Variants in TRABD2B observed in about 807,000 individuals in gnomAD.
The protein encoded by TRABD2B is TraB domain containing 2B, also known as metalloprotease TIKI2.
A neutral mutation model predicts 40.1 loss-of-function variants in TRABD2B; 14 were observed. The ratio of observed to expected loss-of-function variants is 0.35; its 90% CI spans 0.23 to 0.55. TRABD2B has a LOEUF of 0.55. Among genes scored for constraint, TRABD2B ranks in the 20% least tolerant of loss-of-function variants. The probability of loss-of-function intolerance (pLI) is 0.90; values close to 1 mark genes in which losing one functional copy is unlikely to be tolerated. For synonymous variants in TRABD2B, 263 were observed against 277.0 expected (o/e 0.95, Z 0.50); for missense variants, 541 against 648.6 (o/e 0.83, Z 1.80).
At chr1:47,980,203 T>C (rs554718525) in intron 2 of TRABD2B, among the ~76,000 whole-genome samples, 1 of 152,206 alleles carries the variant, frequency 6.6e-6, no homozygotes, top group South Asian at 2.1e-4. Flanking sequence ...TCCGGATCAA[T>C]ATCACCATCA....
At chr1:47,781,431 C>T (rs1644521008) in intron 4 of TRABD2B, among the ~76,000 whole-genome samples, 1 of 152,178 alleles carries the variant, frequency 6.6e-6, no homozygotes, top group Admixed American at 6.5e-5. Context: ...TTAGAGGGCC[C>T]AGGCCTCAGC....
intron 2 of TRABD2B, among the ~76,000 whole-genome samples, chr1:47,922,649 C>T (rs935807351): frequency 6.6e-5 from 10 of 152,184 alleles, no homozygotes; most frequent in Non-Finnish European, 1.2e-4. Context: ...CCTTTGATTC[C>T]TTCCTTTCCT....
chr1:47,828,653 G>A (rs1429796862), intron 2 of TRABD2B, among the ~76,000 whole-genome samples: 1 of 152,204 alleles, frequency 6.6e-6, no homozygotes. Flanking sequence ...CAGGATTTGG[G>A]TTCCCAGAGG....
intron 2 of TRABD2B, among the ~76,000 whole-genome samples, chr1:47,821,510 C>G (rs1436526723): frequency 6.6e-6 from 1 of 152,192 alleles, no homozygotes; most frequent in Non-Finnish European, 1.5e-5. Flanking sequence ...GATTGTTTCT[C>G]CAGGGCGGGA....
chr1:47,839,163 C>T (rs1447976643), intron 2 of TRABD2B, among the ~76,000 whole-genome samples: 1 of 152,142 alleles, frequency 6.6e-6, no homozygotes, highest in Non-Finnish European at 1.5e-5. Context: ...GGACGTTATA[C>T]AATGGAGTAA....
intron 2 of TRABD2B, among the ~76,000 whole-genome samples, chr1:47,975,817 G>A (rs893165688): frequency 6.6e-6 from 1 of 152,118 alleles, no homozygotes; most frequent in Non-Finnish European, 1.5e-5. Context: ...CATGGAAGTG[G>A]GGTAGTCAAA....
chr1:47,916,571 G>A (rs1294455048), intron 2 of TRABD2B, among the ~76,000 whole-genome samples: 1 of 152,238 alleles, frequency 6.6e-6, no homozygotes, highest in East Asian at 1.9e-4. Context: ...AAGTACAGGT[G>A]GAGGAAAGTA....
intron 4 of TRABD2B, among the ~76,000 whole-genome samples, chr1:47,787,147 C>T (rs1277861156): frequency 6.6e-6 from 1 of 152,108 alleles, no homozygotes; most frequent in Non-Finnish European, 1.5e-5. Context: ...TGGGTCTTGC[C>T]CTGAGGACTA....
intron 2 of TRABD2B, among the ~76,000 whole-genome samples, chr1:47,977,303 G>A (rs978699035): frequency 2.6e-5 from 4 of 152,216 alleles, no homozygotes; most frequent in Non-Finnish European, 4.4e-5. Flanking sequence ...TGAACTCCTA[G>A]CCTCAAGTGA....
chr1:47,769,923 G>A (rs1644356746), intron 6 of TRABD2B, among the ~76,000 whole-genome samples: 1 of 152,218 alleles, frequency 6.6e-6, no homozygotes, highest in Non-Finnish European at 1.5e-5. Flanking sequence ...ACTAGCAGCA[G>A]AAGCCAGAGC....
chr1:47,844,531 G>T (rs925961740), intron 2 of TRABD2B, among the ~76,000 whole-genome samples: 3 of 152,184 alleles, frequency 2.0e-5, no homozygotes, highest in Admixed American at 6.5e-5. Flanking sequence ...CCAGGCTCTG[G>T]CCTGAGTGCC....
At chr1:47,942,694 ATTACT>A (rs1645204120) in intron 2 of TRABD2B, among the ~76,000 whole-genome samples, 1 of 152,212 alleles carries the variant, frequency 6.6e-6, no homozygotes, top group Non-Finnish European at 1.5e-5. Flanking sequence ...CCAGGCAGGC[ATTACT>A]TTAAACTCTT....
intron 2 of TRABD2B, chr1:47,818,638 C>G (rs1645066613): frequency 6.6e-6 from 1 of 152,204 alleles, no homozygotes; most frequent in Admixed American, 6.5e-5. Context: ...GGGGAGGGTG[C>G]ACGTGGAACC....
intron 2 of TRABD2B, among the ~76,000 whole-genome samples, chr1:47,911,276 T>C (rs558770635): frequency 5.9e-5 from 9 of 152,294 alleles, no homozygotes; most frequent in Admixed American, 2.6e-4. Context: ...GTTAAATTCA[T>C]TGTTTCCAGT....
intron 2 of TRABD2B, among the ~76,000 whole-genome samples, chr1:47,861,725 A>G (rs1157529975): frequency 1.3e-5 from 2 of 152,238 alleles, no homozygotes; most frequent in Middle Eastern, 3.2e-3. Flanking sequence ...AACCTCCTTC[A>G]GAACACAGAA....
At chr1:47,799,580 A>G (rs151157013) in intron 3 of TRABD2B, among the ~76,000 whole-genome samples, 130 of 152,230 alleles carry the variant, frequency 8.5e-4, no homozygotes, top group Non-Finnish European at 1.5e-3. Flanking sequence ...TAAGCTGGGC[A>G]ACGGGGACCA....
chr1:47,992,237 C>A (rs1646022642), intron 2 of TRABD2B, among the ~76,000 whole-genome samples: 1 of 152,152 alleles, frequency 6.6e-6, no homozygotes, highest in African/African-American at 2.4e-5. Context: ...CAAACATGAG[C>A]TTTGGAGACT....
At chr1:47,960,002 A>AAG (rs1645487203) in intron 2 of TRABD2B, among the ~76,000 whole-genome samples, 1 of 152,192 alleles carries the variant, frequency 6.6e-6, no homozygotes, top group Non-Finnish European at 1.5e-5. Flanking sequence ...GCATATCAAA[A>AAG]AGCTTATCCA....
At chr1:47,831,801 G>A (rs1645253599) in intron 2 of TRABD2B, among the ~76,000 whole-genome samples, 1 of 152,148 alleles carries the variant, frequency 6.6e-6, no homozygotes, top group Admixed American at 6.5e-5. Context: ...ACTGGCACAC[G>A]GAGCACCTGG....
Sources: gnomAD v4.1 joint callset for allele counts (sites outside exome capture counted in the v4.1 genomes callset) on GRCh38, gnomAD v4.1.1 for gene constraint, MANE v1.5 for transcripts, NCBI Gene and HGNC (gene_info 2026-07-23, HGNC 2026-07-21) for gene names.